DNAH1: variants seen among roughly 807,000 people sequenced by gnomAD.
The protein encoded by DNAH1 is axonemal beta dynein heavy chain 1.
Under a neutral mutation model 484.3 loss-of-function variants are expected in DNAH1, and 327 were observed. The observed-to-expected ratio is 0.68, with a 90% CI of 0.62 to 0.74. DNAH1 has a LOEUF of 0.74. Ranked by LOEUF, DNAH1 falls within the 30% of genes least tolerant of loss-of-function variation. The probability of loss-of-function intolerance (pLI) is 0.00; values close to 1 mark genes in which losing one functional copy is unlikely to be tolerated. For synonymous variants in DNAH1, 2,192 were observed against 2,191.9 expected (o/e 1.00, Z 0.00); for missense variants, 5,052 against 5,546.8 (o/e 0.91, Z 2.83).
chr3:52,399,281 T>C, intron 76 of DNAH1, 80 bp downstream of exon 76: 1 of 1,427,724 alleles, frequency 7.0e-7, no homozygotes, highest in Non-Finnish European at 9.5e-7. Flanking sequence ...CCACGGTTGG[T>C]TGGCAGTTGG....
chr3:52,326,851 A>G lies in DNAH1; in HGVS notation c.698A>G (p.Gln233Arg). The change falls in exon 5 of 78, where the codon CAG becomes CGG. Residue 233 changes from glutamine (Q) to arginine (R), a missense_variant. Gln to Arg is a conservative substitution (Grantham distance 43, BLOSUM62 1). This residue lies in a region of DNAH1 where 1,263 missense variants were observed against 1,218.8 expected (regional missense o/e 1.04). Transcript: ENST00000420323. ...CACCAGCACCCCCAAACCATCGAAC[A>G]GGGCCATGACCCAATCTTCCCCATC... The part of the protein sequence containing the change: ...LDHQHPQTIE[Q>R]GHDPIFPIYL... 1 of 1,613,474 alleles carries G rather than the reference A, an allele frequency of 6.2e-7. No homozygotes were observed. The highest frequency in any genetic ancestry group is 8.5e-7 in the Non-Finnish European group (1 of 1,179,678).
intron 74 of DNAH1, 63 bp downstream of exon 74, chr3:52,397,940 C>T: frequency 1.9e-6 from 3 of 1,575,252 alleles, no homozygotes; most frequent in Non-Finnish European, 2.6e-6. Flanking sequence ...ATCCTGCCCA[C>T]TCCCCTGTGG....
In DNAH1 at chr3:52,361,285, G is replaced by A. The variant is rs773102484; in HGVS notation, c.4807G>A (p.Val1603Ile). 95 of 1,611,162 alleles carry A rather than the reference G, an allele frequency of 5.9e-5. No individual in the cohort carries two copies. The highest frequency in any genetic ancestry group is 1.7e-4 in the South Asian group (15 of 90,576). Residue 1603 changes from valine (V) to isoleucine (I), a missense_variant, in exon 29 of 78, where the codon GTT becomes ATT. Physicochemically the swap from Val to Ile is conservative, Grantham distance 29. This residue lies in a region of DNAH1 where 2,929 missense variants were observed against 3,409.4 expected (regional missense o/e 0.86). Coordinates refer to ENST00000420323, the MANE Select transcript of DNAH1 (RefSeq NM_015512.5). This position sits in a 1 kb window ranked among gnomAD's most constrained non-coding sequence, Gnocchi z 5.6. ...DLGKALAIQT[V>I]VFNCSDQLDF... ...GGGTAAGGCCTTGGCCATACAGACC[G>A]TTGTGTTCAACTGCTCTGACCAGCT...
chr3:52,347,694 A>G, intron 11 of DNAH1, 130 bp from the exon 12 acceptor site: 2 of 1,141,960 alleles, frequency 1.8e-6, no homozygotes, highest in Non-Finnish European at 2.4e-6. Context: ...GGTGTGTGGG[A>G]CGAAGGAGAA....
chr3:52,352,044 T>C lies in DNAH1; in HGVS notation c.2812T>C (p.Phe938Leu). 1 of 1,592,562 alleles carries C rather than the reference T, an allele frequency of 6.3e-7. No homozygotes were observed. Among genetic ancestry groups the C allele is most frequent in the Non-Finnish European group, 8.5e-7 (1 of 1,169,728 alleles). The change falls in exon 17 of 78, where the codon TTC becomes CTC. Residue 938 changes from phenylalanine to leucine, a missense_variant. Around this residue, in one of 4 missense-constraint regions of DNAH1, gnomAD observed 1,263 missense variants for 1,218.8 expected, o/e 1.04. Transcript: ENST00000420323. ...GCAGCATGTGGAGGATGAGGAGAAG[T>C]TCCGCAAAATCCAGATCATGGATCA... ...QQQHVEDEEK[F>L]RKIQIMDQNN...
At chr3:52,370,260 C>G (rs1483949543) in intron 39 of DNAH1, 31 bp downstream of exon 39, 1 of 1,607,172 alleles carries the variant, frequency 6.2e-7, no homozygotes, top group Non-Finnish European at 8.5e-7. Context: ...CTAGATGCAC[C>G]TGGTCCCTCT....
chr3:52,374,421 A>G (rs1486529471), intron 44 of DNAH1: 4 of 1,312,900 alleles, frequency 3.0e-6, no homozygotes, highest in Admixed American at 3.4e-5. Context: ...AGTGGTGATG[A>G]CACTTCTCAA....
rs1703726341 is a variant in DNAH1 at position 52,379,054 on chromosome 3, G to A, written c.7377+274G>A. On this transcript the variant is annotated intron_variant, in intron 47 of 77. Coordinates refer to ENST00000420323, the MANE Select transcript of DNAH1 (RefSeq NM_015512.5). This position sits in a 1 kb window ranked among gnomAD's most constrained non-coding sequence, Gnocchi z 4.4. ...GGCTTCTGGTTTGGGCCCTGCATGT[G>A]AGAACGCTTGAGGGACAGTGAGCAG... 6.6e-6 allele frequency among the ~76,000 whole-genome samples: 1 copy of A among 152,198 alleles called. No homozygotes were observed. Among genetic ancestry groups the A allele is most frequent in the Non-Finnish European group, 1.5e-5 (1 of 68,040 alleles).
At chr3:52,339,618 A>G (rs1026470045) in intron 8 of DNAH1, among the ~76,000 whole-genome samples, 2 of 152,158 alleles carry the variant, frequency 1.3e-5, no homozygotes, top group African/African-American at 2.4e-5. Flanking sequence ...GTCTTCTCAA[A>G]TGTGCAAACA....
At chr3:52,363,970 A>C (rs1702968962) in intron 32 of DNAH1, among the ~76,000 whole-genome samples, 1 of 152,094 alleles carries the variant, frequency 6.6e-6, no homozygotes, top group Non-Finnish European at 1.5e-5. Flanking sequence ...CCCACCCCCA[A>C]TCAGAGCAAC....
intron 54 of DNAH1, among the ~76,000 whole-genome samples, chr3:52,385,724 C>T (rs938158399): frequency 6.6e-6 from 1 of 152,262 alleles, no homozygotes; most frequent in African/African-American, 2.4e-5. Flanking sequence ...CAGCACAGGG[C>T]CCCATGTTGG....
In DNAH1 at chr3:52,349,037, A is replaced by G. The variant is rs1702259506; in HGVS notation, c.2256A>G (p.Arg752=). The change falls in exon 13 of 78, where the codon CGA becomes CGG. Residue 752 remains arginine, a synonymous_variant. Transcript: ENST00000420323. Reference sequence around the variant, plus strand: ...TGCAGGCCTACGCCAAGGAGTACCGAAAGTACCTGGAGCTGAACAACAATG... The same window carrying G: ...TGCAGGCCTACGCCAAGGAGTACCGGAAGTACCTGGAGCTGAACAACAATG... ...IPLQAYAKEY[R]KYLELNNNDI... The G allele has an allele frequency of 6.2e-7, 1 of 1,612,980 alleles. No individual in the cohort carries two copies. Among genetic ancestry groups the G allele is most frequent in the South Asian group, 1.1e-5 (1 of 91,080 alleles).
Position 52,380,142 on chromosome 3 carries a change from G to A in DNAH1, c.7608+7G>A, listed in dbSNP as rs1229308049. 46 of 1,574,440 alleles carry A rather than the reference G, an allele frequency of 2.9e-5. No individual in the cohort carries two copies. Among genetic ancestry groups the A allele is most frequent in the Non-Finnish European group, 4.0e-5 (46 of 1,159,640 alleles). On this transcript the variant is annotated splice_region_variant and intron_variant, in intron 48 of 77. Transcript: ENST00000420323. ...CATCACCAGTGAGAGTAAGGTGAGG[G>A]GCCCAGGCAGGCGCCCTGCCCCTGG...
chr3:52,394,679 A>C lies in DNAH1; in HGVS notation c.10823+18A>C. The C allele has an allele frequency of 1.9e-6, 3 of 1,552,992 alleles. No individual in the cohort carries two copies. The highest frequency in any genetic ancestry group is 2.6e-6 in the Non-Finnish European group (3 of 1,146,224). The stretch of plus-strand genomic sequence containing the variant: ...CCCCACCGGTTAGCTGGGCCCCAGA[A>C]TATGGCAGGATGAGCCCATCGAGGG... On this transcript the variant is annotated intron_variant, in intron 67 of 77. Coordinates refer to ENST00000420323, the MANE Select transcript of DNAH1 (RefSeq NM_015512.5).
At chr3:52,372,660 T>A (rs913269050) in intron 43 of DNAH1, among the ~76,000 whole-genome samples, 3 of 152,250 alleles carry the variant, frequency 2.0e-5, no homozygotes, top group Non-Finnish European at 4.4e-5. Context: ...AAGCCTGTTG[T>A]CCATCTGCCT....
intron 22 of DNAH1, among the ~76,000 whole-genome samples, chr3:52,357,029 T>G (rs1702639459): frequency 1.3e-5 from 2 of 151,158 alleles, no homozygotes; most frequent in Non-Finnish European, 2.9e-5. Flanking sequence ...TTTGTCTGTT[T>G]TTTTTTTTTT....
rs111968773 is a variant in DNAH1, at chr3:52,327,711, GCAGTGGAGAGGGTCAGCCCC to G, written c.739-145_739-126del. On this transcript the variant is annotated intron_variant, in intron 5 of 77. Coordinates refer to ENST00000420323, the MANE Select transcript of DNAH1 (RefSeq NM_015512.5). ...TGGAGAGGCTCAACCCCCAGTCCTA[GCAGTGGAGAGGGTCAGCCCC>G]CAGTGGAGAGGGTCAGCCCCCAGTG... Among the ~76,000 whole-genome samples, 295 of 152,238 alleles carry G rather than the reference GCAGTGGAGAGGGTCAGCCCC, an allele frequency of 1.9e-3. 1 individual carries two copies. The highest frequency in any genetic ancestry group is 6.6e-3 in the African/African-American group (275 of 41,550).
At position 52,357,666 on chromosome 3, in the gene DNAH1, A is replaced by G; in HGVS notation, c.3911A>G (p.Asn1304Ser). ...ATGCTGGACAGCCTGCGGGACTGCA[A>G]CAAGATTCTGGACCTGGTGCAGAAG... ...LRMLDSLRDC[N>S]KILDLVQKGL... is the part of the protein sequence containing the mutation. The change falls in exon 23 of 78, where the codon AAC becomes AGC. Residue 1304 changes from asparagine to serine, a missense_variant. Transcript: ENST00000420323. 1.9e-6 allele frequency: 3 copies of G among 1,597,930 alleles called. No homozygotes were observed. Among genetic ancestry groups the G allele is most frequent in the South Asian group, 1.1e-5 (1 of 88,366 alleles).
chr3:52,363,808 G>A (rs1350709237), intron 32 of DNAH1, among the ~76,000 whole-genome samples: 1 of 152,220 alleles, frequency 6.6e-6, no homozygotes, highest in Non-Finnish European at 1.5e-5. Flanking sequence ...ACTGTGGCCA[G>A]GGGTAATCAG....
Sources: gnomAD v4.1 joint callset for allele counts (sites outside exome capture counted in the v4.1 genomes callset) on GRCh38, gnomAD v4.1.1 for gene constraint, gnomAD v4.1.1 regional missense constraint, Gnocchi (gnomAD v3.1) non-coding constraint, MANE v1.5 for transcripts, NCBI Gene and HGNC (gene_info 2026-07-23, HGNC 2026-07-21) for gene names.